MXRA5: variants seen among roughly 807,000 people sequenced by gnomAD.
MXRA5 encodes matrix remodeling associated 5, also known as matrix-remodeling-associated protein 5.
Under a neutral mutation model 112.5 loss-of-function variants are expected in MXRA5, and 41 were observed. The ratio of observed to expected loss-of-function variants is 0.36; its 90% CI spans 0.28 to 0.47. MXRA5 has a LOEUF of 0.47. Among genes scored for constraint, MXRA5 ranks in the 20% least tolerant of loss-of-function variants. The probability of loss-of-function intolerance (pLI) is 0.99; values close to 1 mark genes in which losing one functional copy is unlikely to be tolerated. For synonymous variants in MXRA5, 862 were observed against 900.8 expected (o/e 0.96, Z 0.77); for missense variants, 2,150 against 2,251.0 (o/e 0.96, Z 0.91).
chrX:3,316,182 C>T (rs865823579), intron 6 of MXRA5, among the ~76,000 whole-genome samples: 2,122 of 89,119 alleles, frequency 0.024, 124 homozygotes, highest in African/African-American at 0.094. Context: ...GGCGTGGTGG[C>T]GGGCGCCTGT....
rs1397423485 is a variant in MXRA5 at position 3,311,628 on chromosome X, C to A, written c.6579-4G>T. 13 of 1,193,461 alleles carry A rather than the reference C, an allele frequency of 1.1e-5. No individual in the cohort carries two copies. Among genetic ancestry groups the A allele is most frequent in the Middle Eastern group, 4.7e-4 (2 of 4,285 alleles). ...CACCTTGATTCTGCTATCAAAACTA[C>A]AGAAAAAAAGAAAAAGGAGTAAGAT... On this transcript the variant is annotated splice_region_variant and splice_polypyrimidine_tract_variant and intron_variant, in intron 6 of 6. Coordinates refer to ENST00000217939, the MANE Select transcript of MXRA5 (RefSeq NM_015419.4).
chrX:3,341,683 A>C (rs1422351237), intron 2 of MXRA5, among the ~76,000 whole-genome samples: 1 of 78,301 alleles, frequency 1.3e-5, no homozygotes, highest in Admixed American at 2.0e-4. Context: ...TATTATATAT[A>C]TTATAAAGAT....
At chrX:3,327,712 C>T (rs146826269) in intron 4 of MXRA5, among the ~76,000 whole-genome samples, 2,239 of 112,626 alleles carry the variant, frequency 0.02, 70 homozygotes, top group African/African-American at 0.068. Context: ...CTTCTGAGCA[C>T]CTGCAGAAAC....
intron 2 of MXRA5, among the ~76,000 whole-genome samples, chrX:3,341,008 ATT>A (rs1491441939): frequency 1.2e-5 from 1 of 80,092 alleles, no homozygotes; most frequent in Non-Finnish European, 2.4e-5. Context: ...TATAATATAT[ATT>A]ATACATGATA....
In MXRA5 at chrX:3,320,838, G is replaced by C; in HGVS notation, c.4847C>G (p.Thr1616Arg). 4 of 1,212,031 alleles carry C rather than the reference G, an allele frequency of 3.3e-6. No individual in the cohort carries two copies. Residue 1616 changes from threonine (T) to arginine (R), a missense_variant, in exon 5 of 7, where the codon ACA (threonine) becomes AGA (arginine). Physicochemically the swap from Thr to Arg is moderately conservative, Grantham distance 71 (BLOSUM62 -1). This residue lies in a region of MXRA5 where 1,485 missense variants were observed against 1,471.6 expected (regional missense o/e 1.01). Coordinates refer to ENST00000217939, the MANE Select transcript of MXRA5 (RefSeq NM_015419.4). Reference protein sequence around the residue: ...TRVPAKPILPTATVRLPEMST... With the variant: ...TRVPAKPILPRATVRLPEMST... ...CATTTCAGGCAGCCTCACTGTTGCT[G>C]TTGGTAGGATGGGTTTGGCAGGGAC...
rs145364248 is a variant in MXRA5 at position 3,311,051 on chromosome X, G to A, written c.7152C>T (p.Thr2384=). ...PMPKVTWLSP[T]NKVIPTSSEK... is the part of the protein sequence containing the mutation. ...CAGAGGAGGTGGGGATCACCTTGTT[G>A]GTTGGGGACAACCAAGTCACCTTGG... The change falls in exon 7 of 7, where the codon ACC becomes ACT. Residue 2384 remains threonine (T), a synonymous_variant. Transcript: ENST00000217939. The A allele has an allele frequency of 8.3e-7, 1 of 1,209,479 alleles. No homozygotes were observed. Among genetic ancestry groups the A allele is most frequent in the Non-Finnish European group, 1.1e-6 (1 of 895,152 alleles).
At chrX:3,343,501 C>A in intron 2 of MXRA5, 145 bp downstream of exon 2, 1 of 572,761 alleles carries the variant, frequency 1.7e-6, no homozygotes. Context: ...CTCTATTCTG[C>A]CCATCTGCAG....
Position 3,321,974 on chromosome X carries a change from C to T in MXRA5, c.3711G>A (p.Arg1237=), listed in dbSNP as rs1026404762. ...KGTPRRKHGK[R]PNKHRYTPST... Reference sequence around the variant, plus strand: ...AAGGGGTATATCGATGTTTGTTTGGCCTCTTCCCGTGTTTTCTCCGTGGTG... The same window carrying T: ...AAGGGGTATATCGATGTTTGTTTGGTCTCTTCCCGTGTTTTCTCCGTGGTG... Residue 1237 remains arginine (R), a synonymous_variant, in exon 5 of 7, where the codon AGG becomes AGA. Coordinates refer to ENST00000217939, the MANE Select transcript of MXRA5 (RefSeq NM_015419.4). 2 of 1,211,316 alleles carry T rather than the reference C, an allele frequency of 1.7e-6. No homozygotes were observed. The highest frequency in any genetic ancestry group is 1.8e-5 in the South Asian group (1 of 56,904).
At chrX:3,316,075 G>GGGA (rs1921112204) in intron 6 of MXRA5, among the ~76,000 whole-genome samples, 1 of 53,737 alleles carries the variant, frequency 1.9e-5, no homozygotes, top group Non-Finnish European at 3.2e-5. Context: ...AGCACACACT[G>GGGA]GGGCCGGGCG....
intron 5 of MXRA5, among the ~76,000 whole-genome samples, chrX:3,319,124 A>G (rs1921229775): frequency 1.8e-5 from 2 of 112,254 alleles, no homozygotes; most frequent in Non-Finnish European, 3.8e-5. Context: ...GAATATGCTT[A>G]AGTGATATTA....
chrX:3,327,461 G>A (rs773376773), intron 4 of MXRA5, among the ~76,000 whole-genome samples: 59 of 112,297 alleles, frequency 5.3e-4, no homozygotes, highest in African/African-American at 1.9e-3. Flanking sequence ...TGAAGATGAT[G>A]AGCAGGATGG....
intron 4 of MXRA5, among the ~76,000 whole-genome samples, chrX:3,327,938 C>T (rs1190557198): frequency 8.8e-6 from 1 of 113,152 alleles, no homozygotes; most frequent in East Asian, 2.7e-4. Context: ...GACATGCACA[C>T]ACAAAGACAT....
intron 2 of MXRA5, among the ~76,000 whole-genome samples, chrX:3,336,032 C>T (rs1041302753): frequency 2.7e-4 from 30 of 112,465 alleles, no homozygotes; most frequent in African/African-American, 9.4e-4. Flanking sequence ...TCTGTATTTA[C>T]AGCCATTCCC....
intron 4 of MXRA5, among the ~76,000 whole-genome samples, chrX:3,326,132 T>C (rs1921486854): frequency 3.9e-5 from 1 of 25,861 alleles, no homozygotes; most frequent in Admixed American, 4.8e-4. Flanking sequence ...TATTTATATA[T>C]ATAAATTATA....
intron 2 of MXRA5, among the ~76,000 whole-genome samples, chrX:3,340,180 T>C (rs754883727): frequency 1.8e-5 from 2 of 112,123 alleles, no homozygotes; most frequent in African/African-American, 6.5e-5. Flanking sequence ...GAAACAGCAA[T>C]GCTGACAAAG....
chrX:3,338,003 A>G (rs1184752723), intron 2 of MXRA5, among the ~76,000 whole-genome samples: 1 of 111,412 alleles, frequency 9.0e-6, no homozygotes, highest in Non-Finnish European at 1.9e-5. Context: ...GTAAGAATCT[A>G]AGGGGAGAAT....
intron 4 of MXRA5, among the ~76,000 whole-genome samples, chrX:3,329,061 CGAAG>C (rs753409130): frequency 7.5e-4 from 42 of 55,717 alleles, no homozygotes; most frequent in South Asian, 2.1e-3. Context: ...AAGGAGAGAA[CGAAG>C]GAAGGAAGGA....
intron 1 of MXRA5, among the ~76,000 whole-genome samples, chrX:3,345,420 C>A (rs1464268184): frequency 1.8e-5 from 2 of 113,112 alleles, no homozygotes; most frequent in African/African-American, 6.4e-5. Flanking sequence ...CCTGCCTGCG[C>A]GCCTGACCTC....
At chrX:3,341,642 T>C (rs1246755056) in intron 2 of MXRA5, among the ~76,000 whole-genome samples, 15 of 68,003 alleles carry the variant, frequency 2.2e-4, no homozygotes, top group Non-Finnish European at 3.7e-4. Flanking sequence ...ACATATATTA[T>C]ATATTATATA....
Sources: gnomAD v4.1 joint callset for allele counts (sites outside exome capture counted in the v4.1 genomes callset) on GRCh38, gnomAD v4.1.1 for gene constraint, gnomAD v4.1.1 regional missense constraint, MANE v1.5 for transcripts, NCBI Gene and HGNC (gene_info 2026-07-23, HGNC 2026-07-21) for gene names.